GRM3: variants seen among roughly 807,000 people sequenced by gnomAD.
The protein encoded by GRM3 is glutamate metabotropic receptor 3.
GRM3 carries 26 observed loss-of-function variants against 70.5 expected under a neutral mutation model. That is an observed-to-expected ratio of 0.37 (90% CI 0.27 to 0.51). The LOEUF is 0.51. Among genes scored for constraint, GRM3 ranks in the 20% least tolerant of loss-of-function variants. The probability of loss-of-function intolerance (pLI) is 0.93; values close to 1 mark genes in which losing one functional copy is unlikely to be tolerated. For synonymous variants in GRM3, 443 were observed against 434.9 expected (o/e 1.02, Z -0.23); for missense variants, 859 against 1,123.8 (o/e 0.76, Z 3.37).
At chr7:86,714,749 A>G (rs945956128) in intron 1 of GRM3, among the ~76,000 whole-genome samples, 6 of 151,988 alleles carry the variant, frequency 3.9e-5, no homozygotes, top group Non-Finnish European at 7.4e-5. Flanking sequence ...CATTATATAT[A>G]ACTATGATTC....
intron 3 of GRM3, among the ~76,000 whole-genome samples, chr7:86,819,895 G>C (rs926578585): frequency 8.5e-5 from 13 of 152,272 alleles, no homozygotes; most frequent in African/African-American, 2.9e-4. Flanking sequence ...GTTGGTGTCT[G>C]CCAAATTCTA....
intron 1 of GRM3, among the ~76,000 whole-genome samples, chr7:86,674,667 TTTC>T (rs1474238461): frequency 6.6e-6 from 1 of 152,148 alleles, no homozygotes; most frequent in Non-Finnish European, 1.5e-5. Context: ...ACAGTCACAG[TTTC>T]TTTACATAGC....
intron 1 of GRM3, among the ~76,000 whole-genome samples, chr7:86,685,049 T>C: frequency 6.6e-6 from 1 of 152,244 alleles, no homozygotes; most frequent in East Asian, 1.9e-4. Flanking sequence ...TGTTTTCTTA[T>C]AGATTGAAAA....
At chr7:86,789,790 A>G (rs1797360481) in intron 3 of GRM3, among the ~76,000 whole-genome samples, 1 of 152,236 alleles carries the variant, frequency 6.6e-6, no homozygotes, top group African/African-American at 2.4e-5. Context: ...GCCTCCTGTG[A>G]ATTTAAAAAT....
chr7:86,682,731 T>C (rs1391583839), intron 1 of GRM3, among the ~76,000 whole-genome samples: 1 of 152,136 alleles, frequency 6.6e-6, no homozygotes, highest in African/African-American at 2.4e-5. Flanking sequence ...ATCCAATCAT[T>C]CAGCAACTAT....
At chr7:86,669,024 T>C (rs1331472287) in intron 1 of GRM3, among the ~76,000 whole-genome samples, 4 of 152,130 alleles carry the variant, frequency 2.6e-5, no homozygotes, top group Admixed American at 1.3e-4. Context: ...TATCCCAAGA[T>C]AGTAAGTATT....
At chr7:86,704,600 T>G (rs1446877294) in intron 1 of GRM3, among the ~76,000 whole-genome samples, 2 of 151,872 alleles carry the variant, frequency 1.3e-5, no homozygotes, top group African/African-American at 4.8e-5. Context: ...TTATTCAACT[T>G]TAATCGGCTC....
chr7:86,692,212 A>C (rs1231017851), intron 1 of GRM3, among the ~76,000 whole-genome samples: 1 of 152,194 alleles, frequency 6.6e-6, no homozygotes, highest in Non-Finnish European at 1.5e-5. Context: ...CCAAGTACAT[A>C]ATAAGTGTTC....
chr7:86,770,711 T>C (rs1177763253), intron 2 of GRM3, among the ~76,000 whole-genome samples: 1 of 152,140 alleles, frequency 6.6e-6, no homozygotes, highest in Non-Finnish European at 1.5e-5. Context: ...AAGTCACACA[T>C]TAATTGCCAG....
At chr7:86,737,177 G>A (rs994890826) in intron 1 of GRM3, among the ~76,000 whole-genome samples, 2 of 152,188 alleles carry the variant, frequency 1.3e-5, no homozygotes, top group Non-Finnish European at 2.9e-5. Flanking sequence ...AGGAGATAAA[G>A]ACCTAGGTCT....
chr7:86,691,036 G>A (rs1411611358), intron 1 of GRM3, among the ~76,000 whole-genome samples: 2 of 152,004 alleles, frequency 1.3e-5, no homozygotes, highest in African/African-American at 2.4e-5. Flanking sequence ...TAAAAATTCT[G>A]CTTTTCCTCT....
intron 4 of GRM3, among the ~76,000 whole-genome samples, chr7:86,846,286 T>A (rs1345956576): frequency 6.6e-6 from 1 of 152,208 alleles, no homozygotes; most frequent in African/African-American, 2.4e-5. Flanking sequence ...AAGTTTGGAA[T>A]AAGAAACTAC....
chr7:86,784,920 A>G (rs1797185913), intron 2 of GRM3, among the ~76,000 whole-genome samples: 1 of 152,214 alleles, frequency 6.6e-6, no homozygotes, highest in South Asian at 2.1e-4. Flanking sequence ...ATATCCAAGA[A>G]CATGCTGTGT....
At chr7:86,860,751 T>A (rs1356574464) in intron 5 of GRM3, among the ~76,000 whole-genome samples, 2 of 152,170 alleles carry the variant, frequency 1.3e-5, no homozygotes, top group Non-Finnish European at 2.9e-5. Context: ...TTGAGGATTT[T>A]CCATGCAGCT....
At chr7:86,822,614 C>A (rs77186512) in intron 3 of GRM3, among the ~76,000 whole-genome samples, 10 of 152,002 alleles carry the variant, frequency 6.6e-5, no homozygotes, top group African/African-American at 2.2e-4. Flanking sequence ...AGGGATAGAG[C>A]GAGAGATATG....
At chr7:86,722,310 T>C (rs1795485673) in intron 1 of GRM3, among the ~76,000 whole-genome samples, 1 of 152,118 alleles carries the variant, frequency 6.6e-6, no homozygotes, top group Non-Finnish European at 1.5e-5. Context: ...CACATATGTT[T>C]ATTGCAGCAC....
chr7:86,754,853 G>A (rs562680504), intron 1 of GRM3, among the ~76,000 whole-genome samples: 1 of 152,148 alleles, frequency 6.6e-6, no homozygotes, highest in East Asian at 1.9e-4. Context: ...CCATTCCTTG[G>A]CTCTGCATTT....
chr7:86,857,793 G>A (rs1421596805), intron 5 of GRM3, among the ~76,000 whole-genome samples: 1 of 152,058 alleles, frequency 6.6e-6, no homozygotes, highest in Non-Finnish European at 1.5e-5. Flanking sequence ...GTGATGTTGG[G>A]CAACTAAGAG....
At chr7:86,680,616 T>C (rs563942919) in intron 1 of GRM3, among the ~76,000 whole-genome samples, 1 of 152,240 alleles carries the variant, frequency 6.6e-6, no homozygotes, top group South Asian at 2.1e-4. Context: ...TAGTACCCTA[T>C]AGCATAATTT....
Sources: allele counts gnomAD v4.1 joint callset (sites outside exome capture counted in the v4.1 genomes callset), GRCh38; gene constraint gnomAD v4.1.1; transcripts MANE v1.5; gene names NCBI Gene and HGNC (gene_info 2026-07-23, HGNC 2026-07-21).